Variants in SH3RF3 observed in about 807,000 individuals in gnomAD.
The protein encoded by SH3RF3 is E3 ubiquitin-protein ligase SH3RF3.
In SH3RF3, 29 loss-of-function variants were observed where a neutral mutation model predicts 66.3. The observed-to-expected ratio is 0.44, with a 90% CI of 0.33 to 0.60. SH3RF3 has a LOEUF of 0.60. Among genes scored for constraint, SH3RF3 ranks in the 20% least tolerant of loss-of-function variants. The pLI, the probability that SH3RF3 is intolerant of heterozygous loss-of-function variation, is 0.04. For missense variants in SH3RF3, 1,194 were observed against 1,190.9 expected (o/e 1.00, Z -0.04); for synonymous variants, 583 against 532.0 (o/e 1.10, Z -1.32).
intron 1 of SH3RF3, among the ~76,000 whole-genome samples, chr2:109,262,570 ATGT>A (rs1473633237): frequency 6.6e-6 from 1 of 152,114 alleles, no homozygotes; most frequent in East Asian, 1.9e-4. Flanking sequence ...ATTTTACGTA[ATGT>A]TGTTTCTTTT....
At chr2:109,451,390 C>A (rs1325032691) in intron 8 of SH3RF3, among the ~76,000 whole-genome samples, 1 of 152,202 alleles carries the variant, frequency 6.6e-6, no homozygotes, top group African/African-American at 2.4e-5. Context: ...TGCTCAGAAA[C>A]AACCAGGGGC....
intron 1 of SH3RF3, among the ~76,000 whole-genome samples, chr2:109,299,095 T>TC (rs1681395079): frequency 6.6e-6 from 1 of 152,054 alleles, no homozygotes; most frequent in Admixed American, 6.5e-5. Context: ...CTGGGCAGGC[T>TC]CCCCCAGGGC....
chr2:109,413,576 T>C (rs1676648981), intron 4 of SH3RF3, among the ~76,000 whole-genome samples: 1 of 152,202 alleles, frequency 6.6e-6, no homozygotes, highest in Non-Finnish European at 1.5e-5. Context: ...CGCTCTAGAA[T>C]GGAGAACAGC....
intron 1 of SH3RF3, among the ~76,000 whole-genome samples, chr2:109,185,739 A>G (rs1399303775): frequency 6.6e-6 from 1 of 152,188 alleles, no homozygotes; most frequent in Non-Finnish European, 1.5e-5. Context: ...TAGACAGACA[A>G]AACTCATCCA....
intron 1 of SH3RF3, among the ~76,000 whole-genome samples, chr2:109,217,386 C>T (rs1174449071): frequency 6.6e-6 from 1 of 152,208 alleles, no homozygotes; most frequent in Admixed American, 6.5e-5. Flanking sequence ...GGTCAAATTC[C>T]CATCTGAACA....
At chr2:109,424,190 G>A (rs1227093143) in intron 5 of SH3RF3, among the ~76,000 whole-genome samples, 1 of 152,208 alleles carries the variant, frequency 6.6e-6, no homozygotes, top group East Asian at 1.9e-4. Flanking sequence ...TGATCCTCGG[G>A]GCTCTGGAGC....
chr2:109,187,009 GCTGGGCCTAGCC>G (rs1184188699), intron 1 of SH3RF3, among the ~76,000 whole-genome samples: 1 of 149,764 alleles, frequency 6.7e-6, no homozygotes, highest in African/African-American at 2.4e-5. Context: ...CAGAGGCGGA[GCTGGGCCTAGCC>G]CTGGCACCCC....
At chr2:109,352,605 C>T (rs536749981) in intron 2 of SH3RF3, among the ~76,000 whole-genome samples, 14 of 152,372 alleles carry the variant, frequency 9.2e-5, no homozygotes, top group African/African-American at 2.4e-4. Context: ...AGCTCCACGT[C>T]GTTCTCTCCC....
intron 1 of SH3RF3, among the ~76,000 whole-genome samples, chr2:109,335,991 A>T (rs1682411665): frequency 6.6e-6 from 1 of 152,200 alleles, no homozygotes. Flanking sequence ...TTGTCGAGAC[A>T]TTCGGGCTGA....
chr2:109,322,724 G>T (rs1319300958), intron 1 of SH3RF3, among the ~76,000 whole-genome samples: 1 of 152,184 alleles, frequency 6.6e-6, no homozygotes, highest in African/African-American at 2.4e-5. Context: ...TCATTAAGAG[G>T]TAGATGATCA....
At chr2:109,138,589 C>A (rs1676866613) in intron 1 of SH3RF3, among the ~76,000 whole-genome samples, 2 of 152,212 alleles carry the variant, frequency 1.3e-5, no homozygotes. Context: ...AGCCCCTGGG[C>A]AGCCCGCTGC....
At chr2:109,198,782 G>A (rs1297387814) in intron 1 of SH3RF3, among the ~76,000 whole-genome samples, 1 of 152,168 alleles carries the variant, frequency 6.6e-6, no homozygotes, top group African/African-American at 2.4e-5. Flanking sequence ...ACCAAACCTA[G>A]GAAGTACAGC....
In SH3RF3 at chr2:109,295,962, A is replaced by G. The variant is rs138720862; in HGVS notation, c.574-51712A>G. 2.2e-3 allele frequency among the ~76,000 whole-genome samples: 334 copies of G among 152,188 alleles called. 2 individuals carry two copies. The highest frequency in any genetic ancestry group is 7.9e-3 in the African/African-American group (327 of 41,534). On this transcript the variant is annotated intron_variant, in intron 1 of 9. Coordinates refer to ENST00000309415, the MANE Select transcript of SH3RF3 (RefSeq NM_001099289.3). Reference sequence around the variant, plus strand: ...ACTGCTCCCTCTGTGACTGTGAGAGACATTGCAGCCCTTCACTATAGCTTG... The same window carrying G: ...ACTGCTCCCTCTGTGACTGTGAGAGGCATTGCAGCCCTTCACTATAGCTTG...
At chr2:109,165,022 C>T (rs944515611) in intron 1 of SH3RF3, among the ~76,000 whole-genome samples, 2 of 152,128 alleles carry the variant, frequency 1.3e-5, no homozygotes, top group Non-Finnish European at 2.9e-5. Context: ...TGAGGAAGGC[C>T]AGTTTCCTTC....
At chr2:109,473,532 C>G (rs1192017674) in intron 8 of SH3RF3, among the ~76,000 whole-genome samples, 1 of 152,098 alleles carries the variant, frequency 6.6e-6, no homozygotes, top group Admixed American at 6.5e-5. Flanking sequence ...AGGGTTAGAG[C>G]GACAGAGAGG....
intron 7 of SH3RF3, among the ~76,000 whole-genome samples, chr2:109,441,320 C>A (rs193155096): frequency 6.6e-6 from 1 of 152,152 alleles, no homozygotes; most frequent in African/African-American, 2.4e-5. Flanking sequence ...ATTACAGTTG[C>A]CTTTCACATA....
rs1676215844 is a variant in SH3RF3, at chr2:109,398,625, C to T, written c.981C>T (p.Asp327=). ...CCGCCAAGCAGCTCATTGAGATGGACAAGCCATGCCCAGCCGCTGCATCCA... is the reference window on the plus strand; with the variant it reads ...CCGCCAAGCAGCTCATTGAGATGGATAAGCCATGCCCAGCCGCTGCATCCA... ...NDSAKQLIEM[D]KPCPAAASSC... Residue 327 remains aspartate (D), a synonymous_variant, in exon 4 of 10, where the codon GAC becomes GAT. Transcript: ENST00000309415. 1 of 1,590,006 alleles carries T rather than the reference C, an allele frequency of 6.3e-7. No homozygotes were observed. The highest frequency in any genetic ancestry group is 1.3e-5 in the African/African-American group (1 of 74,428).
At chr2:109,292,995 G>T (rs570111423) in intron 1 of SH3RF3, among the ~76,000 whole-genome samples, 5 of 152,316 alleles carry the variant, frequency 3.3e-5, no homozygotes, top group African/African-American at 9.6e-5. Context: ...GCCTCCCAAA[G>T]TTCTGGGATT....
At chr2:109,427,372 T>C (rs1362573218) in intron 5 of SH3RF3, among the ~76,000 whole-genome samples, 1 of 152,268 alleles carries the variant, frequency 6.6e-6, no homozygotes, top group Admixed American at 6.5e-5. Flanking sequence ...TTACATATAT[T>C]GGTAAACCAA....
Sources: gnomAD v4.1 joint callset for allele counts (sites outside exome capture counted in the v4.1 genomes callset) on GRCh38, gnomAD v4.1.1 for gene constraint, MANE v1.5 for transcripts, NCBI Gene and HGNC (gene_info 2026-07-23, HGNC 2026-07-21) for gene names.